Variants in PARD3 observed in about 807,000 individuals in gnomAD.
PARD3 encodes par-3 family cell polarity regulator.
A neutral mutation model predicts 155.4 loss-of-function variants in PARD3; 75 were observed. The observed-to-expected ratio is 0.48, with a 90% CI of 0.40 to 0.58. The LOEUF (loss-of-function observed/expected upper bound fraction) is 0.58. PARD3 is among the 20% of genes least tolerant of loss of function. PARD3 has a pLI of 0.00. For missense variants in PARD3, 1,642 were observed against 1,721.7 expected, an observed-to-expected ratio of 0.95 and a Z score of 0.82; for synonymous variants, 576 against 610.5, an observed-to-expected ratio of 0.94 and a Z score of 0.83.
intron 2 of PARD3, among the ~76,000 whole-genome samples, chr10:34,590,789 C>T (rs1341465423): frequency 6.6e-6 from 1 of 152,172 alleles, no homozygotes; most frequent in Non-Finnish European, 1.5e-5. Context: ...TTTAGGACTT[C>T]TATGGAAATC....
intron 6 of PARD3, among the ~76,000 whole-genome samples, chr10:34,399,904 C>T (rs1440999061): frequency 6.6e-6 from 1 of 152,166 alleles, no homozygotes; most frequent in Non-Finnish European, 1.5e-5. Flanking sequence ...TTACAAAGTG[C>T]TCTTTTATAT....
At chr10:34,687,588 C>T (rs1412845452) in intron 2 of PARD3, among the ~76,000 whole-genome samples, 1 of 152,130 alleles carries the variant, frequency 6.6e-6, no homozygotes, top group Non-Finnish European at 1.5e-5. Context: ...GGGCAAGAAA[C>T]AGATAGTGCA....
chr10:34,463,360 AG>A (rs2077801250), intron 4 of PARD3, among the ~76,000 whole-genome samples: 1 of 42,700 alleles, frequency 2.3e-5, no homozygotes, highest in Non-Finnish European at 4.2e-5. Context: ...GGGGAAGGGG[AG>A]GGGAGGGGAG....
intron 2 of PARD3, among the ~76,000 whole-genome samples, chr10:34,671,241 A>G (rs939309418): frequency 1.3e-5 from 2 of 152,240 alleles, no homozygotes. Context: ...CATTATAAAG[A>G]AATAGTTAAC....
At chr10:34,570,704 A>C (rs2086320232) in intron 2 of PARD3, among the ~76,000 whole-genome samples, 1 of 152,244 alleles carries the variant, frequency 6.6e-6, no homozygotes, top group Non-Finnish European at 1.5e-5. Flanking sequence ...AAAATTTTAG[A>C]AAAACAATAG....
At chr10:34,777,094 A>C (rs574122642) in intron 1 of PARD3, among the ~76,000 whole-genome samples, 1 of 143,990 alleles carries the variant, frequency 6.9e-6, no homozygotes, top group South Asian at 2.2e-4. Flanking sequence ...CTCGTGATCC[A>C]CCCACTTCGG....
intron 19 of PARD3, among the ~76,000 whole-genome samples, chr10:34,321,819 G>A (rs1958397103): frequency 6.6e-6 from 1 of 152,170 alleles, no homozygotes; most frequent in Non-Finnish European, 1.5e-5. Flanking sequence ...ACGTGTTAAT[G>A]ATGATGGAGA....
At position 34,378,122 on chromosome 10, in the gene PARD3, A is replaced by C. The variant is rs772988116; in HGVS notation, c.1400-16T>G. Reference sequence around the variant, plus strand: ...CCTTCTGTACCTAGGTATGTGAAGGAGAAGAAAAGTAAATAAAATGAGATA... The same window carrying C: ...CCTTCTGTACCTAGGTATGTGAAGGCGAAGAAAAGTAAATAAAATGAGATA... On this transcript the variant is annotated splice_polypyrimidine_tract_variant and intron_variant, in intron 9 of 24. Transcript: ENST00000374788. 8 of 1,556,746 alleles carry C rather than the reference A, an allele frequency of 5.1e-6. No homozygotes were observed. In the South Asian group the frequency reaches 9.8e-5, roughly 19 times the overall value.
At chr10:34,752,214 A>G (rs540131921) in intron 1 of PARD3, among the ~76,000 whole-genome samples, 1 of 152,142 alleles carries the variant, frequency 6.6e-6, no homozygotes, top group African/African-American at 2.4e-5. Context: ...CAAGCTTACC[A>G]GGGAACAACT....
At chr10:34,549,687 G>A (rs907482141) in intron 2 of PARD3, among the ~76,000 whole-genome samples, 2 of 152,054 alleles carry the variant, frequency 1.3e-5, no homozygotes, top group East Asian at 1.9e-4. Context: ...TATTTGGAGG[G>A]GTTTTGCCAC....
intron 14 of PARD3, among the ~76,000 whole-genome samples, chr10:34,350,937 CA>C (rs201525393): frequency 1.3e-5 from 2 of 149,890 alleles, no homozygotes; most frequent in Non-Finnish European, 3.0e-5. Context: ...TACCACAGGG[CA>C]AAAAAAAATC....
intron 1 of PARD3, among the ~76,000 whole-genome samples, chr10:34,719,894 G>A (rs1046378912): frequency 6.6e-6 from 1 of 152,078 alleles, no homozygotes; most frequent in Non-Finnish European, 1.5e-5. Context: ...CAACTCACAG[G>A]GCAAAACCCA....
chr10:34,716,580 CTTTTCTTTTTTT>C (rs1233834519), intron 1 of PARD3, among the ~76,000 whole-genome samples: 1 of 109,440 alleles, frequency 9.1e-6, no homozygotes, highest in Non-Finnish European at 1.8e-5. Flanking sequence ...CCCAGGATGG[CTTTTCTTTTTTT>C]TTTTTTTTTT....
chr10:34,655,415 A>G (rs1237317089), intron 2 of PARD3, among the ~76,000 whole-genome samples: 1 of 152,088 alleles, frequency 6.6e-6, no homozygotes, highest in Non-Finnish European at 1.5e-5. Flanking sequence ...GTTACTCCTG[A>G]TCATACATGA....
At chr10:34,312,313 T>C (rs750091324) in intron 20 of PARD3, 4 of 1,609,188 alleles carry the variant, frequency 2.5e-6, no homozygotes, top group Non-Finnish European at 3.4e-6. Context: ...AACTGTGCAA[T>C]ATGTGCTGTT....
At chr10:34,285,152 A>G (rs1292749154) in intron 20 of PARD3, among the ~76,000 whole-genome samples, 1 of 152,230 alleles carries the variant, frequency 6.6e-6, no homozygotes, top group Non-Finnish European at 1.5e-5. Flanking sequence ...AGATGTTTCA[A>G]AAAAGAAATA....
chr10:34,703,374 C>T (rs1399408012), intron 1 of PARD3, among the ~76,000 whole-genome samples: 1 of 151,086 alleles, frequency 6.6e-6, no homozygotes, highest in Non-Finnish European at 1.5e-5. Flanking sequence ...GTGTGACAGA[C>T]ACTCTGTCCA....
intron 5 of PARD3, among the ~76,000 whole-genome samples, chr10:34,427,876 T>G (rs1416891558): frequency 2.0e-5 from 3 of 151,768 alleles, no homozygotes; most frequent in African/African-American, 7.3e-5. Flanking sequence ...GATGAAGGGG[T>G]AGGGGGAAGT....
intron 5 of PARD3, among the ~76,000 whole-genome samples, chr10:34,407,032 G>T (rs1394754551): frequency 6.6e-6 from 1 of 152,172 alleles, no homozygotes; most frequent in Non-Finnish European, 1.5e-5. Context: ...ACAGATGTCA[G>T]TAACTGGTAA....
Sources: gnomAD v4.1 joint callset for allele counts (sites outside exome capture counted in the v4.1 genomes callset) on GRCh38, gnomAD v4.1.1 for gene constraint, MANE v1.5 for transcripts, NCBI Gene and HGNC (gene_info 2026-07-23, HGNC 2026-07-21) for gene names.